APC: variants seen among roughly 807,000 people sequenced by gnomAD.
APC encodes the protein APC regulator of Wnt signaling pathway.
APC carries 72 observed loss-of-function variants against 247.0 expected under a neutral mutation model. The observed-to-expected ratio is 0.29, with a 90% confidence interval of 0.24 to 0.35. The LOEUF (loss-of-function observed/expected upper bound fraction) is 0.35. Among genes scored for constraint, APC ranks in the 10% least tolerant of loss-of-function variants. APC has a pLI of 1.00. For missense variants in APC, 3,400 were observed against 3,360.7 expected (o/e 1.01, Z -0.29); for synonymous variants, 1,254 against 1,162.5 (o/e 1.08, Z -1.60).
chr5:112,783,765 C>CAAAAA (rs77929348), intron 6 of APC: 38 of 198,058 alleles, frequency 1.9e-4, no homozygotes, highest in Non-Finnish European at 2.4e-4. Context: ...CCACTGCACT[C>CAAAAA]AAAAAAAAAA....
intron 10 of APC, 144 bp downstream of exon 10, chr5:112,819,488 A>G (rs1762893511): frequency 3.5e-6 from 4 of 1,138,050 alleles, no homozygotes; most frequent in African/African-American, 3.1e-5. Context: ...TCATATTTAA[A>G]AGATTAAGTC....
chr5:112,804,681 T>C (rs1761189328), intron 8 of APC, among the ~76,000 whole-genome samples: 1 of 152,134 alleles, frequency 6.6e-6, no homozygotes, highest in South Asian at 2.1e-4. Context: ...CCCGGCCAAT[T>C]ACAACTTTTT....
chr5:112,808,551 G>A (rs1761657937), intron 8 of APC, among the ~76,000 whole-genome samples: 1 of 152,006 alleles, frequency 6.6e-6, no homozygotes, highest in Non-Finnish European at 1.5e-5. Context: ...GGGCTTAAGC[G>A]ATCCTCTCGA....
At position 112,840,035 on chromosome 5, in the gene APC, G is replaced by A. The variant is rs587782349; in HGVS notation, c.4441G>A (p.Val1481Ile). 5.0e-6 allele frequency: 8 copies of A among 1,614,108 alleles called. No homozygotes were observed. The South Asian group carries it at 8.8e-5, about 18-fold the overall frequency. Residue 1481 changes from valine to isoleucine, a missense_variant, in exon 16 of 16, where the codon GTT (valine) becomes ATT (isoleucine). Physicochemically the swap from Val to Ile is conservative, Grantham distance 29 (BLOSUM62 3). Coordinates refer to ENST00000257430, the MANE Select transcript of APC (RefSeq NM_000038.6). This position sits in a 1 kb window ranked among gnomAD's most constrained non-coding sequence, Gnocchi z 4.1. ...AVNAAVQRVQ[V>I]LPDADTLLHF... ...AAATGCTGCAGTTCAGAGGGTCCAG[G>A]TTCTTCCAGATGCTGATACTTTATT...
chr5:112,833,125 C>T (rs1477242236), intron 14 of APC, among the ~76,000 whole-genome samples: 3 of 151,798 alleles, frequency 2.0e-5, no homozygotes, highest in African/African-American at 7.3e-5. Flanking sequence ...GCTAGCCTCC[C>T]GCCTCAGCTT....
chr5:112,769,747 A>G lies in APC; in HGVS notation c.422+2357A>G, dbSNP rs546843164. Among the ~76,000 whole-genome samples, 59 of 152,316 alleles carry G rather than the reference A, an allele frequency of 3.9e-4. No homozygotes were observed. In the South Asian group the frequency reaches 5.2e-3, roughly 13 times the overall value. ...ATTGTTGTGAAAATTGAATATTAGT[A>G]TATAGGAAATGCCCAGCATATCTCC... On this transcript the variant is annotated intron_variant, in intron 4 of 15. Transcript: ENST00000257430.
At chr5:112,820,594 AT>A (rs1236290113) in intron 10 of APC, among the ~76,000 whole-genome samples, 2 of 152,080 alleles carry the variant, frequency 1.3e-5, no homozygotes, top group African/African-American at 2.4e-5. Context: ...GCCTTCCTGG[AT>A]TGTTTCTTTG....
intron 1 of APC, among the ~76,000 whole-genome samples, chr5:112,719,374 C>T (rs142310350): frequency 2.9e-4 from 44 of 151,750 alleles, no homozygotes; most frequent in Non-Finnish European, 2.2e-4. Flanking sequence ...TGCACCACCA[C>T]GCCCGGCTAA....
Position 112,837,798 on chromosome 5 carries a change from C to T in APC, c.2204C>T (p.Ala735Val), listed in dbSNP as rs147655929. 115 of 1,613,948 alleles carry T rather than the reference C, an allele frequency of 7.1e-5. No homozygotes were observed. Among genetic ancestry groups the T allele is most frequent in the African/African-American group, 2.8e-4 (21 of 75,014 alleles). Residue 735 changes from alanine to valine, a missense_variant, in exon 16 of 16, where the codon GCG becomes GTG. By Grantham distance (64) the Ala-to-Val change is moderately conservative. Coordinates refer to ENST00000257430, the MANE Select transcript of APC (RefSeq NM_000038.6). The stretch of plus-strand genomic sequence containing the variant: ...AGGAATCTCATGGCAAATAGGCCTG[C>T]GAAGTACAAGGATGCCAATATTATG... ...ALRNLMANRP[A>V]KYKDANIMSP...
chr5:112,763,158 T>A (rs1360683248), intron 2 of APC, among the ~76,000 whole-genome samples: 1 of 152,196 alleles, frequency 6.6e-6, no homozygotes, highest in Non-Finnish European at 1.5e-5. Context: ...CAGAAATTTT[T>A]AAAAATAGAA....
rs1344684913 is a variant in APC, at chr5:112,818,795, C to T, written c.934-171C>T. ...TGATGATACATAGATTTTGAAATAA[C>T]ACTGATTACTTCATCCTGGAAAGGT... On this transcript the variant is annotated intron_variant, in intron 9 of 15. Coordinates refer to ENST00000257430, the MANE Select transcript of APC (RefSeq NM_000038.6). Among the ~76,000 whole-genome samples the T allele has an allele frequency of 2.0e-5, 3 of 149,088 alleles. No individual in the cohort carries two copies. The East Asian group carries it at 6.0e-4, about 30-fold the overall frequency.
chr5:112,799,336 G>C (rs1393423895), intron 7 of APC, among the ~76,000 whole-genome samples: 1 of 151,988 alleles, frequency 6.6e-6, no homozygotes, highest in African/African-American at 2.4e-5. Context: ...GTGAGGAGTA[G>C]CACCATCATT....
chr5:112,715,622 G>T (rs1206744453), intron 1 of APC, among the ~76,000 whole-genome samples: 2 of 152,126 alleles, frequency 1.3e-5, no homozygotes, highest in Non-Finnish European at 2.9e-5. Flanking sequence ...GAAACCACCT[G>T]GGCTGGGAGT....
intron 1 of APC, chr5:112,738,412 G>A (rs938626614): frequency 2.0e-6 from 2 of 985,654 alleles, no homozygotes; most frequent in South Asian, 4.7e-5. Flanking sequence ...TGGCTGATGT[G>A]AATCTAGTGG....
At chr5:112,783,161 A>G (rs563989703) in intron 6 of APC, among the ~76,000 whole-genome samples, 6 of 152,310 alleles carry the variant, frequency 3.9e-5, no homozygotes, top group Non-Finnish European at 4.4e-5. Flanking sequence ...TTCTTGTGCT[A>G]TATAAATATA....
intron 1 of APC, among the ~76,000 whole-genome samples, chr5:112,714,723 T>A (rs1751058051): frequency 6.6e-6 from 1 of 152,198 alleles, no homozygotes. Flanking sequence ...TCCCTAAACA[T>A]CTATCCCTAA....
rs577706008 is a variant in APC, at chr5:112,822,130, G to A, written c.1408+139G>A. On this transcript the variant is annotated intron_variant, in intron 11 of 15. Transcript: ENST00000257430. ...AGGCCACCAACTTCTGTTATCAGCT[G>A]CTTCCTCTGTGTAGCAAAAAATTGT... 51 of 656,830 alleles carry A rather than the reference G, an allele frequency of 7.8e-5. No individual in the cohort carries two copies. The African/African-American group carries it at 8.0e-4, about 10-fold the overall frequency. The allele number at this position is 656,830 out of a possible 1,614,324, so 40.7% of individuals were successfully genotyped here.
chr5:112,709,147 G>A (rs1027127728), intron 1 of APC, among the ~76,000 whole-genome samples: 4 of 152,196 alleles, frequency 2.6e-5, no homozygotes, highest in African/African-American at 9.7e-5. Context: ...TTTTCTTGAA[G>A]TTATGCTAGA....
At chr5:112,806,598 A>T (rs1009654722) in intron 8 of APC, among the ~76,000 whole-genome samples, 4 of 139,462 alleles carry the variant, frequency 2.9e-5, no homozygotes, top group Non-Finnish European at 4.6e-5. Context: ...ATTTATTGAG[A>T]TAGGGTCTCA....
Sources: allele counts gnomAD v4.1 joint callset (sites outside exome capture counted in the v4.1 genomes callset), GRCh38; gene constraint gnomAD v4.1.1; non-coding constraint Gnocchi (gnomAD v3.1); transcripts MANE v1.5; gene names NCBI Gene and HGNC (gene_info 2026-07-23, HGNC 2026-07-21).